The following INSYN2B variants were observed in gnomAD, a reference collection of about 807,000 sequenced individuals.
INSYN2B encodes protein INSYN2B.
Under a neutral mutation model 41.2 loss-of-function variants are expected in INSYN2B, and 16 were observed. That is an observed-to-expected ratio of 0.39 (90% CI 0.26 to 0.59). The LOEUF (loss-of-function observed/expected upper bound fraction) is 0.59, where lower values mean the gene tolerates loss of function less well. Ranked by LOEUF, INSYN2B falls within the 20% of genes least tolerant of loss-of-function variation. The pLI, the probability that INSYN2B is intolerant of heterozygous loss-of-function variation, is 0.57. For missense variants in INSYN2B, 608 were observed against 646.4 expected (o/e 0.94, Z 0.64); for synonymous variants, 245 against 244.4 (o/e 1.00, Z -0.02).
intron 1 of INSYN2B, among the ~76,000 whole-genome samples, chr5:169,912,545 C>T (rs1479597078): frequency 1.3e-5 from 2 of 152,148 alleles, no homozygotes; most frequent in African/African-American, 4.8e-5. Flanking sequence ...CTACTCCAAT[C>T]CATAACTTTC....
At chr5:169,929,144 G>A (rs76621262) in intron 1 of INSYN2B, among the ~76,000 whole-genome samples, 1 of 152,158 alleles carries the variant, frequency 6.6e-6, no homozygotes, top group African/African-American at 2.4e-5. Context: ...GGAAGCCCAC[G>A]CACATAGCAC....
intron 1 of INSYN2B, among the ~76,000 whole-genome samples, chr5:169,885,722 A>G (rs1481686846): frequency 6.6e-6 from 1 of 152,226 alleles, no homozygotes; most frequent in Non-Finnish European, 1.5e-5. Flanking sequence ...CCAAGCCATA[A>G]CTCATTCATT....
At position 169,882,956 on chromosome 5, in the gene INSYN2B, C is replaced by A; in HGVS notation, c.943G>T (p.Gly315Cys). Residue 315 changes from glycine to cysteine, a missense_variant, in exon 2 of 4, where the codon GGC (glycine) becomes TGC (cysteine). Physicochemically the swap from Gly to Cys is radical, Grantham distance 159. Transcript: ENST00000377365. ...GGGTGGGCTGGCTGGCTGTGGGAGC[C>A]TTGTGAGGGGGAACTGTGAGTCCGT... is the stretch of plus-strand genomic sequence containing the variant. Reference protein sequence around the residue: ...SPRTHSSPSQGSHSQPAHPGR... With the variant: ...SPRTHSSPSQCSHSQPAHPGR... 1 of 1,551,634 alleles carries A rather than the reference C, an allele frequency of 6.4e-7. No homozygotes were observed. Among genetic ancestry groups the A allele is most frequent in the Non-Finnish European group, 8.7e-7 (1 of 1,146,890 alleles).
chr5:169,925,440 C>T (rs1775387998), intron 1 of INSYN2B, among the ~76,000 whole-genome samples: 1 of 152,000 alleles, frequency 6.6e-6, no homozygotes, highest in Non-Finnish European at 1.5e-5. Flanking sequence ...ATTAACTGAG[C>T]GTGGTGTTGT....
At chr5:169,939,662 A>T (rs749666369) in intron 1 of INSYN2B, among the ~76,000 whole-genome samples, 10 of 152,194 alleles carry the variant, frequency 6.6e-5, no homozygotes, top group African/African-American at 9.7e-5. Flanking sequence ...ACTAGGAGGT[A>T]GGAATTTTTC....
intron 3 of INSYN2B, among the ~76,000 whole-genome samples, chr5:169,878,644 A>C (rs1348783429): frequency 6.6e-6 from 1 of 152,352 alleles, no homozygotes; most frequent in African/African-American, 2.4e-5. Context: ...GGATTGAAAT[A>C]AATTTGAAAA....
intron 1 of INSYN2B, among the ~76,000 whole-genome samples, chr5:169,960,923 G>C (rs1341665783): frequency 2.6e-5 from 4 of 152,130 alleles, no homozygotes; most frequent in Non-Finnish European, 5.9e-5. Flanking sequence ...AGTATATATA[G>C]GGTTCAGTAT....
intron 2 of INSYN2B, 80 bp downstream of exon 2, chr5:169,882,473 G>A (rs1772711175): frequency 8.0e-7 from 1 of 1,255,834 alleles, no homozygotes; most frequent in Non-Finnish European, 1.1e-6. Flanking sequence ...TTTACTAAAA[G>A]AAACCAAAGC....
rs565334215 is a variant in INSYN2B at position 169,903,548 on chromosome 5, G to T, written c.-918-18732C>A. Among the ~76,000 whole-genome samples, 3 of 151,642 alleles carry T rather than the reference G, an allele frequency of 2.0e-5. No homozygotes were observed. The South Asian group carries it at 6.3e-4, about 32-fold the overall frequency. On this transcript the variant is annotated intron_variant, in intron 1 of 3. Coordinates refer to ENST00000377365, the MANE Select transcript of INSYN2B (RefSeq NM_001129891.3). ...GGGGGCCGGGGGGCAGGGGGCGTTCGGGTGGGCACAAGTGGGGAGATGGGA... is the reference window on the plus strand; with the variant it reads ...GGGGGCCGGGGGGCAGGGGGCGTTCTGGTGGGCACAAGTGGGGAGATGGGA...
At position 169,882,945 on chromosome 5, in the gene INSYN2B, G is replaced by T. The variant is rs1306212664; in HGVS notation, c.954C>A (p.Ser318Arg). 7.1e-6 allele frequency: 11 copies of T among 1,551,880 alleles called. No homozygotes were observed. In the South Asian group the frequency reaches 1.3e-4, roughly 18 times the overall value. ...AGGCTCTTCCTGGGTGGGCTGGCTG[G>T]CTGTGGGAGCCTTGTGAGGGGGAAC... ...THSSPSQGSH[S>R]QPAHPGRASD... Residue 318 changes from serine to arginine, a missense_variant, in exon 2 of 4, where the codon AGC becomes AGA. By Grantham distance (110) the Ser-to-Arg change is moderately radical. Coordinates refer to ENST00000377365, the MANE Select transcript of INSYN2B (RefSeq NM_001129891.3).
At chr5:169,929,999 T>A (rs1373651876) in intron 1 of INSYN2B, among the ~76,000 whole-genome samples, 1 of 152,164 alleles carries the variant, frequency 6.6e-6, no homozygotes, top group Non-Finnish European at 1.5e-5. Context: ...TTATTTATTT[T>A]GTTTATTTTT....
intron 1 of INSYN2B, among the ~76,000 whole-genome samples, chr5:169,908,570 C>T (rs1016331703): frequency 6.6e-6 from 1 of 152,026 alleles, no homozygotes; most frequent in African/African-American, 2.4e-5. Context: ...GGGTCCTGGA[C>T]GTTTTTGTCT....
At chr5:169,940,640 C>T (rs569372976) in intron 1 of INSYN2B, among the ~76,000 whole-genome samples, 27 of 152,286 alleles carry the variant, frequency 1.8e-4, no homozygotes, top group African/African-American at 6.3e-4. Context: ...ATAAGGAGCA[C>T]GCAACTTAGA....
chr5:169,897,534 T>C (rs2113564591), intron 1 of INSYN2B, among the ~76,000 whole-genome samples: 1 of 152,244 alleles, frequency 6.6e-6, no homozygotes, highest in Middle Eastern at 3.4e-3. Flanking sequence ...CGGAAAGACA[T>C]GATGGTCCCT....
intron 3 of INSYN2B, among the ~76,000 whole-genome samples, chr5:169,869,494 C>G (rs898169065): frequency 6.6e-6 from 1 of 152,148 alleles, no homozygotes; most frequent in African/African-American, 2.4e-5. Context: ...TCTTTTTATT[C>G]ATCCGTTTGA....
intron 1 of INSYN2B, among the ~76,000 whole-genome samples, chr5:169,941,854 A>G (rs1477262818): frequency 6.6e-6 from 1 of 152,166 alleles, no homozygotes; most frequent in Admixed American, 6.5e-5. Flanking sequence ...TGGGGCTGCC[A>G]ATTTTGGTTT....
intron 1 of INSYN2B, among the ~76,000 whole-genome samples, chr5:169,934,250 A>G (rs1284800016): frequency 6.6e-6 from 1 of 152,142 alleles, no homozygotes; most frequent in Non-Finnish European, 1.5e-5. Flanking sequence ...ATTCCTTGGA[A>G]CAAGAAGAGT....
At chr5:169,880,964 G>A (rs80216998) in intron 3 of INSYN2B, among the ~76,000 whole-genome samples, 9,189 of 152,294 alleles carry the variant, frequency 0.06, 349 homozygotes, top group Non-Finnish European at 0.086. Context: ...GGAAGAGGCA[G>A]TGTGGTGGAA....
At chr5:169,890,066 C>T (rs1012810891) in intron 1 of INSYN2B, among the ~76,000 whole-genome samples, 6 of 152,210 alleles carry the variant, frequency 3.9e-5, no homozygotes, top group African/African-American at 1.2e-4. Flanking sequence ...TTAAAGAAGA[C>T]GAATTCAATC....
Sources: allele counts gnomAD v4.1 joint callset (sites outside exome capture counted in the v4.1 genomes callset), GRCh38; gene constraint gnomAD v4.1.1; transcripts MANE v1.5; gene names NCBI Gene and HGNC (gene_info 2026-07-23, HGNC 2026-07-21).